NELL1: variants seen among roughly 807,000 people sequenced by gnomAD.
NELL1 encodes the protein protein kinase C-binding protein NELL1.
Under a neutral mutation model 107.4 loss-of-function variants are expected in NELL1, and 76 were observed. The ratio of observed to expected loss-of-function variants is 0.71; its 90% CI spans 0.59 to 0.86. The LOEUF (loss-of-function observed/expected upper bound fraction) is 0.86. Among genes scored for constraint, NELL1 ranks in the 40% least tolerant of loss-of-function variants. The probability of loss-of-function intolerance (pLI) is 0.00; values close to 1 mark genes in which losing one functional copy is unlikely to be tolerated. For missense variants in NELL1, 1,024 were observed against 1,005.5 expected (o/e 1.02, Z -0.25); for synonymous variants, 353 against 341.2 (o/e 1.03, Z -0.38).
At chr11:20,715,175 G>A (rs1855215486) in intron 2 of NELL1, among the ~76,000 whole-genome samples, 1 of 152,102 alleles carries the variant, frequency 6.6e-6, no homozygotes, top group African/African-American at 2.4e-5. Flanking sequence ...AACCCAGGAG[G>A]TGGAGCTTGC....
chr11:20,675,767 TTTTTCTTTTC>T (rs1023888903), intron 1 of NELL1, among the ~76,000 whole-genome samples: 4 of 152,076 alleles, frequency 2.6e-5, no homozygotes, highest in African/African-American at 9.7e-5. Context: ...CCTCTCTTCT[TTTTTCTTTTC>T]TTTTCTTTTT....
intron 2 of NELL1, among the ~76,000 whole-genome samples, chr11:20,761,874 T>C (rs1856428704): frequency 6.6e-6 from 1 of 152,258 alleles, no homozygotes; most frequent in African/African-American, 2.4e-5. Flanking sequence ...AGCCACACAT[T>C]ATTTCCTTTT....
intron 3 of NELL1, among the ~76,000 whole-genome samples, chr11:20,788,980 CT>C (rs1416695395): frequency 2.6e-5 from 4 of 152,152 alleles, no homozygotes; most frequent in African/African-American, 9.7e-5. Context: ...TTCTTCACCA[CT>C]TGTTGAAGAC....
At chr11:20,818,256 G>C (rs1033119775) in intron 3 of NELL1, among the ~76,000 whole-genome samples, 4 of 151,988 alleles carry the variant, frequency 2.6e-5, no homozygotes, top group African/African-American at 9.7e-5. Flanking sequence ...TGTGAATCTG[G>C]GTGCTCCATT....
intron 15 of NELL1, among the ~76,000 whole-genome samples, chr11:21,479,910 T>C (rs1590964437): frequency 4.1e-4 from 1 of 2,424 alleles, no homozygotes; most frequent in Non-Finnish European, 7.5e-4. Context: ...CAGTCTTGTC[T>C]TTTTTTCCTC....
chr11:20,892,270 G>A (rs1352122775), intron 5 of NELL1, among the ~76,000 whole-genome samples: 1 of 152,144 alleles, frequency 6.6e-6, no homozygotes, highest in East Asian at 1.9e-4. Flanking sequence ...TTACTCCTGA[G>A]TAAATAATGA....
intron 14 of NELL1, among the ~76,000 whole-genome samples, chr11:21,335,349 C>T (rs765978582): frequency 6.6e-6 from 1 of 151,986 alleles, no homozygotes; most frequent in Non-Finnish European, 1.5e-5. Context: ...CTCTATTTTT[C>T]TCACTTTCCT....
At chr11:21,176,695 C>T (rs1031629648) in intron 13 of NELL1, among the ~76,000 whole-genome samples, 6 of 151,822 alleles carry the variant, frequency 4.0e-5, no homozygotes, top group Non-Finnish European at 5.9e-5. Flanking sequence ...CCTACGTTTG[C>T]GTCACATCCA....
intron 12 of NELL1, among the ~76,000 whole-genome samples, chr11:21,013,472 A>G (rs1449099737): frequency 6.6e-6 from 1 of 152,142 alleles, no homozygotes; most frequent in Non-Finnish European, 1.5e-5. Flanking sequence ...CAAGGCATCC[A>G]AGGAAGTAAC....
chr11:21,575,254 G>C lies in NELL1; in HGVS notation c.*232G>C. On this transcript the variant is annotated 3_prime_UTR_variant, in exon 20 of 20. Transcript: ENST00000357134. Reference sequence around the variant, plus strand: ...TACAGTGCCGTGCATTTAAGTCAATGGTTGTTAAAAGAAGTTTCCCGTGTT... The same window carrying C: ...TACAGTGCCGTGCATTTAAGTCAATCGTTGTTAAAAGAAGTTTCCCGTGTT... 2.1e-6 allele frequency: 1 copy of C among 470,010 alleles called. No individual in the cohort carries two copies. Among genetic ancestry groups the C allele is most frequent in the Admixed American group, 3.5e-5 (1 of 28,386 alleles). The allele number at this position is 470,010 out of a possible 1,614,324, so 29.1% of individuals were successfully genotyped here.
chr11:20,680,544 G>A (rs149237434), intron 2 of NELL1, among the ~76,000 whole-genome samples: 54 of 152,134 alleles, frequency 3.5e-4, no homozygotes, highest in East Asian at 1.4e-3. Context: ...ATACAATGGC[G>A]GGACAGGCAT....
intron 14 of NELL1, among the ~76,000 whole-genome samples, chr11:21,234,760 G>T (rs551154844): frequency 1.3e-5 from 2 of 152,160 alleles, no homozygotes; most frequent in East Asian, 1.9e-4. Context: ...AACACAGAAA[G>T]CCAGAAGCAG....
At chr11:20,678,793 G>A (rs796608316) in intron 2 of NELL1, among the ~76,000 whole-genome samples, 73 of 152,182 alleles carry the variant, frequency 4.8e-4, no homozygotes, top group African/African-American at 1.6e-3. Flanking sequence ...CATTCACAAG[G>A]GCAAAGACTT....
In NELL1 at chr11:20,975,969, AT is replaced by A. The variant is rs1332533352; in HGVS notation, c.1300+15410del. On this transcript the variant is annotated intron_variant, in intron 12 of 19. Coordinates refer to ENST00000357134, the MANE Select transcript of NELL1 (RefSeq NM_006157.5). ...CATATATGTACATTATATATACATTATATATATTATATCTGTACATATATGT... is the reference window on the plus strand; with the variant it reads ...CATATATGTACATTATATATACATTAATATATTATATCTGTACATATATGT... Among the ~76,000 whole-genome samples, 4 of 142,460 alleles carry A rather than the reference AT, an allele frequency of 2.8e-5. 1 individual carries two copies. The highest frequency in any genetic ancestry group is 1.0e-4 in the African/African-American group (4 of 39,418). The allele number at this position is 142,460 out of a possible 152,430, so 93.5% of individuals were successfully genotyped here.
chr11:20,721,181 G>GTGTATATATATATATATA (rs1554906545), intron 2 of NELL1, among the ~76,000 whole-genome samples: 4 of 125,850 alleles, frequency 3.2e-5, no homozygotes, highest in African/African-American at 1.4e-4. Context: ...TATATTTTGT[G>GTGTATATATATATATATA]TATATATATA....
rs541499614 is a variant in NELL1, at chr11:20,853,384, T to A, written c.506+5631T>A. The stretch of plus-strand genomic sequence containing the variant: ...TGCCATTTATAAAATGTGATTTTTA[T>A]GTAACGATGCAGGAGTGTGAAAGCA... On this transcript the variant is annotated intron_variant, in intron 4 of 19. Transcript: ENST00000357134. Among the ~76,000 whole-genome samples, 5 of 152,350 alleles carry A rather than the reference T, an allele frequency of 3.3e-5. No individual in the cohort carries two copies. In the South Asian group the frequency reaches 8.3e-4, roughly 25 times the overall value.
chr11:20,980,731 C>G (rs1393411232), intron 12 of NELL1, among the ~76,000 whole-genome samples: 1 of 152,156 alleles, frequency 6.6e-6, no homozygotes, highest in Non-Finnish European at 1.5e-5. Flanking sequence ...AATGCCCTAC[C>G]CCATAGTCTG....
chr11:21,279,315 A>G (rs1348142930), intron 14 of NELL1, among the ~76,000 whole-genome samples: 2 of 152,330 alleles, frequency 1.3e-5, no homozygotes, highest in East Asian at 3.9e-4. Context: ...GACACTGTCA[A>G]GAAAGTGAGA....
chr11:21,254,034 G>A (rs1858707790), intron 14 of NELL1, among the ~76,000 whole-genome samples: 1 of 152,002 alleles, frequency 6.6e-6, no homozygotes, highest in South Asian at 2.1e-4. Context: ...AGGGACATGT[G>A]GTGAAAAAGA....
Sources: allele counts gnomAD v4.1 joint callset (sites outside exome capture counted in the v4.1 genomes callset), GRCh38; gene constraint gnomAD v4.1.1; transcripts MANE v1.5; gene names NCBI Gene and HGNC (gene_info 2026-07-23, HGNC 2026-07-21).